The following SDK1 variants were observed in gnomAD, a reference collection of about 807,000 sequenced individuals.
SDK1 encodes protein sidekick-1.
Under a neutral mutation model 245.5 loss-of-function variants are expected in SDK1, and 157 were observed. That is an observed-to-expected ratio of 0.64 (90% CI 0.56 to 0.73). The LOEUF is 0.73. Among genes scored for constraint, SDK1 ranks in the 30% least tolerant of loss-of-function variants. The pLI is 0.00. For synonymous variants in SDK1, 1,647 were observed against 1,278.5 expected (o/e 1.29, Z -6.15); for missense variants, 3,583 against 3,002.3 (o/e 1.19, Z -4.52).
intron 38 of SDK1, among the ~76,000 whole-genome samples, chr7:4,213,376 C>T (rs1351223465): frequency 6.6e-6 from 1 of 150,686 alleles, no homozygotes; most frequent in Non-Finnish European, 1.5e-5. Context: ...CGCGCCACTG[C>T]ACTCCAGCTT....
chr7:3,868,824 T>C (rs76642174), intron 5 of SDK1, among the ~76,000 whole-genome samples: 7,200 of 152,264 alleles, frequency 0.047, 542 homozygotes, highest in African/African-American at 0.16. Context: ...AGGGGTTTCA[T>C]TGGCATCATT....
chr7:4,081,570 G>A (rs144768166), intron 22 of SDK1, among the ~76,000 whole-genome samples: 22 of 151,808 alleles, frequency 1.4e-4, no homozygotes, highest in African/African-American at 4.6e-4. Context: ...ACAGGCACCC[G>A]CCACCCACCC....
chr7:3,913,522 T>C (rs889871783), intron 5 of SDK1, among the ~76,000 whole-genome samples: 1 of 152,064 alleles, frequency 6.6e-6, no homozygotes, highest in Non-Finnish European at 1.5e-5. Flanking sequence ...CTCGATCTCC[T>C]GACGTCGTGA....
chr7:3,751,993 G>C (rs954518031), intron 4 of SDK1, among the ~76,000 whole-genome samples: 2 of 152,224 alleles, frequency 1.3e-5, no homozygotes, highest in Non-Finnish European at 2.9e-5. Flanking sequence ...GGCAGAAGAG[G>C]AAACAAGCTT....
chr7:3,754,908 T>G (rs574776884), intron 4 of SDK1, among the ~76,000 whole-genome samples: 1 of 152,326 alleles, frequency 6.6e-6, no homozygotes, highest in African/African-American at 2.4e-5. Context: ...CCTTCTAATG[T>G]TCGTTTGTTA....
At chr7:3,827,973 T>C (rs1779818063) in intron 5 of SDK1, among the ~76,000 whole-genome samples, 1 of 152,198 alleles carries the variant, frequency 6.6e-6, no homozygotes, top group Non-Finnish European at 1.5e-5. Flanking sequence ...ACGTCTGTCC[T>C]AACTAATACA....
chr7:3,964,002 G>T (rs942092036), intron 9 of SDK1, among the ~76,000 whole-genome samples: 82 of 152,168 alleles, frequency 5.4e-4, no homozygotes, highest in African/African-American at 1.9e-3. Flanking sequence ...CTACCCGGAT[G>T]TATCCAGTGG....
At chr7:3,691,012 T>C (rs1030648341) in intron 4 of SDK1, among the ~76,000 whole-genome samples, 1 of 152,200 alleles carries the variant, frequency 6.6e-6, no homozygotes, top group African/African-American at 2.4e-5. Context: ...CACTGGTTGA[T>C]TTTGTCCTTC....
rs2128225285 is a variant in SDK1 at position 4,199,308 on chromosome 7, C to T, written c.5099-6571C>T. On this transcript the variant is annotated intron_variant, in intron 35 of 44. Coordinates refer to ENST00000404826, the MANE Select transcript of SDK1 (RefSeq NM_152744.4). Reference sequence around the variant, plus strand: ...GGGACTCACTGTACGGGCCAGGAAGCACACACAGTCCGCAAGCCGCAGAGC... The same window carrying T: ...GGGACTCACTGTACGGGCCAGGAAGTACACACAGTCCGCAAGCCGCAGAGC... 1.3e-5 allele frequency among the ~76,000 whole-genome samples: 2 copies of T among 152,290 alleles called. 1 individual carries two copies. Among genetic ancestry groups the T allele is most frequent in the South Asian group, 4.1e-4 (2 of 4,822 alleles).
intron 4 of SDK1, among the ~76,000 whole-genome samples, chr7:3,659,300 G>T (rs924072664): frequency 2.6e-5 from 4 of 152,064 alleles, no homozygotes; most frequent in African/African-American, 9.7e-5. Flanking sequence ...ATAGGTTCCT[G>T]TTCTCAGAAT....
intron 1 of SDK1, among the ~76,000 whole-genome samples, chr7:3,473,140 G>C (rs777583629): frequency 6.6e-6 from 1 of 152,178 alleles, no homozygotes; most frequent in African/African-American, 2.4e-5. Context: ...AGGAAGGTCA[G>C]CATTGACTCT....
At chr7:3,679,410 CA>C (rs1562365506) in intron 4 of SDK1, among the ~76,000 whole-genome samples, 1 of 152,016 alleles carries the variant, frequency 6.6e-6, no homozygotes, top group Non-Finnish European at 1.5e-5. Flanking sequence ...ACTAAAAATA[CA>C]AAAAAATTAG....
intron 4 of SDK1, among the ~76,000 whole-genome samples, chr7:3,708,212 C>T (rs982094056): frequency 2.0e-5 from 3 of 152,180 alleles, no homozygotes; most frequent in Non-Finnish European, 4.4e-5. Flanking sequence ...CGAGAACTCA[C>T]TCACTATCAC....
At chr7:4,110,579 G>C in intron 22 of SDK1, 84 bp from the exon 23 acceptor site, 1 of 962,094 alleles carries the variant, frequency 1.0e-6, no homozygotes, top group South Asian at 1.4e-5. Context: ...CAGCTCACCA[G>C]GTACCAGCAG....
intron 19 of SDK1, among the ~76,000 whole-genome samples, chr7:4,058,164 T>C: frequency 6.6e-6 from 1 of 152,078 alleles, no homozygotes; most frequent in East Asian, 1.9e-4. Context: ...CCAAAAAACA[T>C]TTCAATACAT....
At chr7:3,906,348 A>T (rs1778926276) in intron 5 of SDK1, among the ~76,000 whole-genome samples, 1 of 152,096 alleles carries the variant, frequency 6.6e-6, no homozygotes, top group Admixed American at 6.6e-5. Flanking sequence ...CTGTTTCAGA[A>T]CATACTAATC....
intron 5 of SDK1, among the ~76,000 whole-genome samples, chr7:3,888,503 A>G (rs547133406): frequency 6.6e-6 from 1 of 152,344 alleles, no homozygotes; most frequent in Non-Finnish European, 1.5e-5. Context: ...CAGTAAATCA[A>G]TGGTGATGCG....
chr7:4,224,602 C>G (rs1020657927), intron 40 of SDK1, among the ~76,000 whole-genome samples: 1 of 152,138 alleles, frequency 6.6e-6, no homozygotes, highest in African/African-American at 2.4e-5. Context: ...AACAATATCA[C>G]CAGTAGAATT....
At position 3,586,588 on chromosome 7, in the gene SDK1, C is replaced by G. The variant is rs576275237; in HGVS notation, c.299-32492C>G. 4.6e-5 allele frequency among the ~76,000 whole-genome samples: 7 copies of G among 151,244 alleles called. 1 individual carries two copies. The highest frequency in any genetic ancestry group is 3.9e-4 in the East Asian group (2 of 5,134). On this transcript the variant is annotated intron_variant, in intron 1 of 44. Coordinates refer to ENST00000404826, the MANE Select transcript of SDK1 (RefSeq NM_152744.4). ...GGCATTGTGGCGGGCGCCTGTAGTC[C>G]TAGCTACTCGGGAGGCTGAGGCAGG...
Sources: allele counts gnomAD v4.1 joint callset (sites outside exome capture counted in the v4.1 genomes callset), GRCh38; gene constraint gnomAD v4.1.1; transcripts MANE v1.5; gene names NCBI Gene and HGNC (gene_info 2026-07-23, HGNC 2026-07-21).